Variants in CDH13 observed in about 807,000 individuals in gnomAD.
CDH13 encodes the protein cadherin 13.
In CDH13, 24 loss-of-function variants were observed where a neutral mutation model predicts 63.8. The ratio of observed to expected loss-of-function variants is 0.38; its 90% confidence interval spans 0.27 to 0.53. CDH13 has a LOEUF of 0.53. Ranked by LOEUF, CDH13 falls within the 20% of genes least tolerant of loss-of-function variation. CDH13 has a pLI of 0.85. For synonymous variants in CDH13, 503 were observed against 355.3 expected (o/e 1.42, Z -4.67); for missense variants, 1,049 against 903.1 (o/e 1.16, Z -2.07).
intron 6 of CDH13, among the ~76,000 whole-genome samples, chr16:83,383,663 G>T (rs1188086307): frequency 6.6e-6 from 1 of 152,068 alleles, no homozygotes; most frequent in Non-Finnish European, 1.5e-5. Flanking sequence ...CTTTTTTAAT[G>T]CTGTGCTTAA....
chr16:83,725,515 G>A (rs974907792), intron 10 of CDH13: 7 of 152,432 alleles, frequency 4.6e-5, no homozygotes, highest in Non-Finnish European at 7.3e-5. Flanking sequence ...GGGGGCAAGC[G>A]GTATGATGTG....
intron 2 of CDH13, among the ~76,000 whole-genome samples, chr16:82,888,670 G>T (rs2040976115): frequency 1.3e-5 from 2 of 152,174 alleles, no homozygotes; most frequent in Non-Finnish European, 2.9e-5. Context: ...TAGCATATGT[G>T]AAACTCAAGT....
chr16:83,632,031 G>A (rs969451392), intron 8 of CDH13, among the ~76,000 whole-genome samples: 1 of 152,220 alleles, frequency 6.6e-6, no homozygotes, highest in Non-Finnish European at 1.5e-5. Context: ...AAATGTGGTA[G>A]TTTGAGAGAA....
intron 2 of CDH13, among the ~76,000 whole-genome samples, chr16:82,986,711 A>T (rs546124703): frequency 6.6e-6 from 1 of 152,314 alleles, no homozygotes; most frequent in East Asian, 1.9e-4. Context: ...ACTACATCCA[A>T]TAGTACCTGC....
intron 4 of CDH13, among the ~76,000 whole-genome samples, chr16:83,191,502 TATACAC>T (rs1185841883): frequency 1.4e-4 from 10 of 71,254 alleles, no homozygotes; most frequent in African/African-American, 5.5e-4. Context: ...CATATATATA[TATACAC>T]ACACACACAC....
intron 5 of CDH13, among the ~76,000 whole-genome samples, chr16:83,238,261 C>T (rs1041398979): frequency 6.6e-6 from 1 of 151,536 alleles, no homozygotes; most frequent in Non-Finnish European, 1.5e-5. Context: ...TACAGTTCCA[C>T]ATGTCTGGGG....
chr16:82,709,981 C>T (rs959313000), intron 1 of CDH13, among the ~76,000 whole-genome samples: 2 of 151,852 alleles, frequency 1.3e-5, no homozygotes, highest in Non-Finnish European at 2.9e-5. Context: ...AAAGTCAGAC[C>T]ATCTTCTGGG....
intron 1 of CDH13, among the ~76,000 whole-genome samples, chr16:82,682,557 C>T (rs564959960): frequency 6.6e-5 from 10 of 152,192 alleles, no homozygotes; most frequent in East Asian, 1.9e-4. Flanking sequence ...AAGTTAATTT[C>T]GGTATTTAAT....
intron 2 of CDH13, among the ~76,000 whole-genome samples, chr16:82,921,394 C>G (rs186142638): frequency 1.3e-5 from 2 of 152,260 alleles, no homozygotes; most frequent in African/African-American, 4.8e-5. Flanking sequence ...TATCCCTTTT[C>G]TCTGGTGTCA....
intron 1 of CDH13, among the ~76,000 whole-genome samples, chr16:82,777,667 T>G (rs1372977058): frequency 6.6e-6 from 1 of 152,216 alleles, no homozygotes; most frequent in Non-Finnish European, 1.5e-5. Flanking sequence ...TGGGTGCAGC[T>G]TAGCTGGGTC....
At chr16:83,322,280 T>G (rs6563895) in intron 5 of CDH13, among the ~76,000 whole-genome samples, 151,646 of 152,276 alleles carry the variant, frequency 1, 75,512 homozygotes, top group Non-Finnish European at 1. Flanking sequence ...TGGAAATGAT[T>G]TGCGAGGCAG....
At chr16:82,677,318 C>G (rs1021632758) in intron 1 of CDH13, among the ~76,000 whole-genome samples, 1 of 152,200 alleles carries the variant, frequency 6.6e-6, no homozygotes, top group African/African-American at 2.4e-5. Flanking sequence ...CTCTTATTCC[C>G]TCTTCTGTTT....
chr16:83,464,373 G>A (rs1045322826), intron 6 of CDH13, among the ~76,000 whole-genome samples: 20 of 152,084 alleles, frequency 1.3e-4, no homozygotes, highest in Non-Finnish European at 1.9e-4. Context: ...TGAGCCGGGC[G>A]TGATGGCACA....
At chr16:82,726,067 T>G (rs1428149174) in intron 1 of CDH13, among the ~76,000 whole-genome samples, 3 of 152,146 alleles carry the variant, frequency 2.0e-5, no homozygotes, top group Non-Finnish European at 4.4e-5. Flanking sequence ...CAGGGTTTCA[T>G]TAATCATGGG....
At chr16:83,623,076 T>C (rs1358143492) in intron 8 of CDH13, among the ~76,000 whole-genome samples, 2 of 152,212 alleles carry the variant, frequency 1.3e-5, no homozygotes, top group Non-Finnish European at 2.9e-5. Flanking sequence ...CCTTTAAGAC[T>C]TGGCTCTGCT....
At position 83,023,306 on chromosome 16, in the gene CDH13, CG is replaced by C. The variant is rs373724033; in HGVS notation, c.158-8703del. On this transcript the variant is annotated intron_variant, in intron 2 of 13. Transcript: ENST00000567109. ...CAGGTGGGGTGTTTTCACTACCCCC[CG>C]ACTCCACCCCGCCCTCCCAGGGTGT... Among the ~76,000 whole-genome samples the C allele has an allele frequency of 2.0e-5, 3 of 151,954 alleles. No individual in the cohort carries two copies. In the East Asian group the frequency reaches 5.8e-4, roughly 29 times the overall value.
chr16:82,921,076 T>C (rs1172430246), intron 2 of CDH13, among the ~76,000 whole-genome samples: 1 of 152,230 alleles, frequency 6.6e-6, no homozygotes, highest in Admixed American at 6.5e-5. Flanking sequence ...ATACCTTTAA[T>C]AAAGCCTAGT....
chr16:82,919,911 A>G (rs28417188), intron 2 of CDH13, among the ~76,000 whole-genome samples: 74,246 of 152,072 alleles, frequency 0.49, 20,130 homozygotes, highest in Non-Finnish European at 0.63. Context: ...TTAGAGTCAA[A>G]TGAGGGGAAT....
chr16:82,759,336 T>C (rs1217777932), intron 1 of CDH13, among the ~76,000 whole-genome samples: 1 of 152,192 alleles, frequency 6.6e-6, no homozygotes, highest in Non-Finnish European at 1.5e-5. Flanking sequence ...GCTTTGCTTT[T>C]GGGATTATTC....
Sources: allele counts gnomAD v4.1 joint callset (sites outside exome capture counted in the v4.1 genomes callset), GRCh38; gene constraint gnomAD v4.1.1; transcripts MANE v1.5; gene names NCBI Gene and HGNC (gene_info 2026-07-23, HGNC 2026-07-21).